The following SNTG1 variants were observed in gnomAD, a reference collection of about 807,000 sequenced individuals.
The protein encoded by SNTG1 is syntrophin gamma 1.
A neutral mutation model predicts 74.7 loss-of-function variants in SNTG1; 39 were observed. The observed-to-expected ratio is 0.52, with a 90% CI of 0.40 to 0.68. The LOEUF (loss-of-function observed/expected upper bound fraction) is 0.68. Among genes scored for constraint, SNTG1 ranks in the 30% least tolerant of loss-of-function variants. SNTG1 has a pLI of 0.00. For synonymous variants in SNTG1, 254 were observed against 217.1 expected (o/e 1.17, Z -1.49); for missense variants, 685 against 609.5 (o/e 1.12, Z -1.30).
chr8:50,265,110 G>C (rs895965461), intron 2 of SNTG1, among the ~76,000 whole-genome samples: 1 of 151,952 alleles, frequency 6.6e-6, no homozygotes, highest in Non-Finnish European at 1.5e-5. Context: ...AAAAAAGAGT[G>C]AACACTCCTA....
intron 15 of SNTG1, among the ~76,000 whole-genome samples, chr8:50,661,036 A>C (rs1532996): frequency 0.94 from 143,131 of 152,264 alleles, 67,326 homozygotes; most frequent in East Asian, 1. Flanking sequence ...CCCACTTGTT[A>C]TTGCTATCAG....
rs578224036 is a variant in SNTG1, at chr8:50,667,457, C to T, written c.1038+8794C>T. Among the ~76,000 whole-genome samples, 9 of 152,088 alleles carry T rather than the reference C, an allele frequency of 5.9e-5. No homozygotes were observed. In the South Asian group the frequency reaches 1.7e-3, roughly 28 times the overall value. On this transcript the variant is annotated intron_variant, in intron 15 of 18. Coordinates refer to ENST00000642720, the MANE Select transcript of SNTG1 (RefSeq NM_018967.5). Reference sequence around the variant, plus strand: ...GTCCAAGAGCATGATGCTAGCATGTCGTGAAGGTCTACCAGTTGTGTCATA... The same window carrying T: ...GTCCAAGAGCATGATGCTAGCATGTTGTGAAGGTCTACCAGTTGTGTCATA...
chr8:50,210,737 G>A (rs907020187), intron 2 of SNTG1, among the ~76,000 whole-genome samples: 6 of 152,038 alleles, frequency 3.9e-5, no homozygotes, highest in Admixed American at 2.6e-4. Flanking sequence ...AAAACTTAAA[G>A]GATTTTCACT....
At chr8:50,308,517 C>T (rs1458218964) in intron 2 of SNTG1, among the ~76,000 whole-genome samples, 2 of 152,048 alleles carry the variant, frequency 1.3e-5, no homozygotes, top group Admixed American at 1.3e-4. Flanking sequence ...GTATAAACCA[C>T]TCTTCTCATT....
intron 13 of SNTG1, among the ~76,000 whole-genome samples, chr8:50,648,354 A>G (rs2095123585): frequency 6.6e-6 from 1 of 152,156 alleles, no homozygotes; most frequent in African/African-American, 2.4e-5. Flanking sequence ...AGAGTCTCGA[A>G]CATATTCTTT....
intron 17 of SNTG1, among the ~76,000 whole-genome samples, chr8:50,712,064 TC>T (rs2095463050): frequency 6.6e-6 from 1 of 152,210 alleles, no homozygotes; most frequent in Non-Finnish European, 1.5e-5. Flanking sequence ...AGAAACCTCA[TC>T]AGTGGCATCT....
chr8:50,427,127 T>A (rs566016839), intron 4 of SNTG1, among the ~76,000 whole-genome samples: 2 of 152,084 alleles, frequency 1.3e-5, no homozygotes, highest in Non-Finnish European at 2.9e-5. Context: ...TATATAGATA[T>A]AAAATTTCTT....
intron 17 of SNTG1, among the ~76,000 whole-genome samples, chr8:50,732,769 G>T (rs933234152): frequency 6.6e-6 from 1 of 151,582 alleles, no homozygotes; most frequent in Non-Finnish European, 1.5e-5. Flanking sequence ...AATTTTCAGT[G>T]ATCTTTACTA....
chr8:50,783,644 A>G (rs1585788984), intron 18 of SNTG1, among the ~76,000 whole-genome samples: 1 of 152,250 alleles, frequency 6.6e-6, no homozygotes, highest in Non-Finnish European at 1.5e-5. Context: ...GACCCCTTGC[A>G]CTTCCCGAGT....
rs76199328 is a variant in SNTG1 at position 50,505,912 on chromosome 8, G to A, written c.466+3032G>A. Among the ~76,000 whole-genome samples the A allele has an allele frequency of 6.0e-3, 908 of 152,022 alleles. 8 individuals are homozygous for A. Among genetic ancestry groups the A allele is most frequent in the Non-Finnish European group, 0.01 (704 of 67,896 alleles). On this transcript the variant is annotated intron_variant, in intron 9 of 18. Transcript: ENST00000642720. ...GCCTGTGTTTTTGGTGTCATATTCA[G>A]AAAATAATTGCCAAATCCAATGTCA...
chr8:50,222,091 G>A (rs543102966), intron 2 of SNTG1, among the ~76,000 whole-genome samples: 1 of 152,150 alleles, frequency 6.6e-6, no homozygotes, highest in Non-Finnish European at 1.5e-5. Context: ...TGAGTGGAGA[G>A]TTGCAGGCAA....
At chr8:50,548,164 T>C (rs1468676856) in intron 11 of SNTG1, among the ~76,000 whole-genome samples, 1 of 152,190 alleles carries the variant, frequency 6.6e-6, no homozygotes, top group East Asian at 1.9e-4. Context: ...AGGGTATTCA[T>C]TTAGTTAAAC....
chr8:50,725,627 C>T (rs73678639), intron 17 of SNTG1, among the ~76,000 whole-genome samples: 3,295 of 152,150 alleles, frequency 0.022, 104 homozygotes, highest in African/African-American at 0.071. Context: ...TTCACCGCCC[C>T]GTTGAAAGAT....
chr8:50,694,943 T>C (rs182322371), intron 15 of SNTG1, among the ~76,000 whole-genome samples: 231 of 146,806 alleles, frequency 1.6e-3, no homozygotes, highest in Middle Eastern at 3.6e-3. Context: ...TTCAACACAA[T>C]AAAGGCCATA....
chr8:50,381,495 T>C (rs1347852607), intron 2 of SNTG1, among the ~76,000 whole-genome samples: 1 of 149,710 alleles, frequency 6.7e-6, no homozygotes, highest in Non-Finnish European at 1.5e-5. Flanking sequence ...ACATTTTAAA[T>C]AACAGAATTA....
chr8:50,786,912 TA>T (rs58209320), intron 18 of SNTG1, among the ~76,000 whole-genome samples: 3,022 of 152,060 alleles, frequency 0.02, 96 homozygotes, highest in African/African-American at 0.065. Flanking sequence ...TAAATTTTTG[TA>T]ACCTTGGGTT....
intron 5 of SNTG1, among the ~76,000 whole-genome samples, chr8:50,439,207 G>T (rs1409252299): frequency 6.6e-6 from 1 of 151,852 alleles, no homozygotes; most frequent in Admixed American, 6.6e-5. Flanking sequence ...TATTATCATT[G>T]AAATAAAGGA....
intron 13 of SNTG1, among the ~76,000 whole-genome samples, chr8:50,605,614 G>A (rs1452357952): frequency 2.0e-5 from 3 of 152,130 alleles, no homozygotes; most frequent in Non-Finnish European, 4.4e-5. Context: ...CACTGCTAGA[G>A]GATGGGGGAG....
chr8:50,033,119 G>GT (rs369907743), intron 1 of SNTG1, among the ~76,000 whole-genome samples: 5,374 of 141,302 alleles, frequency 0.038, 259 homozygotes, highest in African/African-American at 0.11. Flanking sequence ...AATAAAAAGT[G>GT]TTTTTTTTTT....
Sources: gnomAD v4.1 joint callset for allele counts (sites outside exome capture counted in the v4.1 genomes callset) on GRCh38, gnomAD v4.1.1 for gene constraint, MANE v1.5 for transcripts, NCBI Gene and HGNC (gene_info 2026-07-23, HGNC 2026-07-21) for gene names.